CEP85L: variants seen among roughly 807,000 people sequenced by gnomAD.
CEP85L encodes centrosomal protein 85L, also known as centrosomal protein of 85 kDa-like.
A neutral mutation model predicts 100.3 loss-of-function variants in CEP85L; 60 were observed. The observed-to-expected ratio is 0.60, with a 90% CI of 0.49 to 0.74. The LOEUF is 0.74. Among genes scored for constraint, CEP85L ranks in the 30% least tolerant of loss-of-function variants. The pLI, the probability that CEP85L is intolerant of heterozygous loss-of-function variation, is 0.00. For synonymous variants in CEP85L, 319 were observed against 322.7 expected (o/e 0.99, Z 0.12); for missense variants, 973 against 936.2 (o/e 1.04, Z -0.51).
chr6:118,604,052 C>A (rs1295305503), intron 2 of CEP85L, among the ~76,000 whole-genome samples: 1 of 152,158 alleles, frequency 6.6e-6, no homozygotes, highest in Non-Finnish European at 1.5e-5. Flanking sequence ...CACATTTATG[C>A]AAATATAGTA....
At position 118,565,272 on chromosome 6, in the gene CEP85L, T is replaced by C. The variant is rs116690991; in HGVS notation, c.1020+257A>G. 5.1e-3 allele frequency: 2,437 copies of C among 477,204 alleles called. 44 individuals are homozygous for C. Among genetic ancestry groups the C allele is most frequent in the African/African-American group, 0.042 (2,179 of 51,336 alleles). The allele number at this position is 477,204 out of a possible 1,614,324, so 29.6% of individuals were successfully genotyped here. On this transcript the variant is annotated intron_variant, in intron 3 of 12. Transcript: ENST00000368491. ...TTTAGATTGAGTATGTTTTGCTTTA[T>C]TTTTATGCCCATTTAACAAATGAAA...
At chr6:118,691,999 A>G (rs1343226274) in intron 1 of CEP85L, among the ~76,000 whole-genome samples, 1 of 152,030 alleles carries the variant, frequency 6.6e-6, no homozygotes, top group Non-Finnish European at 1.5e-5. Flanking sequence ...TTCTTCCTCC[A>G]TGAAGCTTGT....
chr6:118,528,076 G>C (rs1365949549), intron 3 of CEP85L, among the ~76,000 whole-genome samples: 3 of 152,074 alleles, frequency 2.0e-5, no homozygotes, highest in African/African-American at 7.2e-5. Flanking sequence ...GCCTATTTCA[G>C]TAAGACAAGT....
At chr6:118,496,326 G>C (rs549112007) in intron 5 of CEP85L, among the ~76,000 whole-genome samples, 44 of 126,902 alleles carry the variant, frequency 3.5e-4, no homozygotes, top group Middle Eastern at 4.4e-3. Context: ...ATACACAGAA[G>C]TGATTGCTTT....
chr6:118,622,993 CAT>C (rs1268181138), intron 2 of CEP85L, among the ~76,000 whole-genome samples: 1 of 152,162 alleles, frequency 6.6e-6, no homozygotes, highest in African/African-American at 2.4e-5. Flanking sequence ...CTCATGGGGG[CAT>C]AGTTTTCTCC....
intron 1 of CEP85L, among the ~76,000 whole-genome samples, chr6:118,689,202 C>A (rs1027851334): frequency 6.6e-6 from 1 of 152,100 alleles, no homozygotes; most frequent in Non-Finnish European, 1.5e-5. Context: ...CCAAATTAGG[C>A]CTATGAGTTA....
chr6:118,662,251 C>T (rs1328593742), intron 1 of CEP85L, among the ~76,000 whole-genome samples: 4 of 152,000 alleles, frequency 2.6e-5, no homozygotes, highest in African/African-American at 7.3e-5. Flanking sequence ...ATGAATTGGC[C>T]GGGTGCGGTG....
Position 118,672,814 on chromosome 6 carries a change from A to AAGGAGGAGGAAGAGG in CEP85L, c.-27-20021_-27-20007dup, listed in dbSNP as rs1167202918. Among the ~76,000 whole-genome samples, 11 of 136,548 alleles carry AAGGAGGAGGAAGAGG rather than the reference A, an allele frequency of 8.1e-5. 1 individual carries two copies. Among genetic ancestry groups the AAGGAGGAGGAAGAGG allele is most frequent in the South Asian group, 4.6e-4 (2 of 4,336 alleles). The allele number at this position is 136,548 out of a possible 152,430, so 89.6% of individuals were successfully genotyped here. On this transcript the variant is annotated intron_variant, in intron 1 of 13. Coordinates refer to the CEP85L transcript ENST00000368488. ...AGGAGGAGGAAGGAGGAGGAAGGAG[A>AAGGAGGAGGAAGAGG]AGGAGGAGGAAGAGGAGGAGGAGGA...
At chr6:118,606,905 GTCA>G (rs1772262550) in intron 2 of CEP85L, among the ~76,000 whole-genome samples, 1 of 151,668 alleles carries the variant, frequency 6.6e-6, no homozygotes, top group East Asian at 1.9e-4. Context: ...TAACCATTCA[GTCA>G]ACCGTTTGCA....
At chr6:118,600,209 A>G (rs905183852) in intron 2 of CEP85L, among the ~76,000 whole-genome samples, 1 of 151,460 alleles carries the variant, frequency 6.6e-6, no homozygotes, top group African/African-American at 2.4e-5. Context: ...ACTTGCCTCC[A>G]AAGAACAGAA....
intron 6 of CEP85L, among the ~76,000 whole-genome samples, chr6:118,490,741 A>C (rs1774499587): frequency 6.6e-6 from 1 of 152,234 alleles, no homozygotes; most frequent in Non-Finnish European, 1.5e-5. Context: ...TATCTTTATA[A>C]TGAAAAACAC....
rs368972964 is a variant in CEP85L at position 118,561,888 on chromosome 6, T to C, written c.1020+3641A>G. Among the ~76,000 whole-genome samples, 133 of 152,280 alleles carry C rather than the reference T, an allele frequency of 8.7e-4. 4 individuals carry two copies. The South Asian group carries it at 0.025, about 29-fold the overall frequency. On this transcript the variant is annotated intron_variant, in intron 3 of 12. Coordinates refer to ENST00000368491, the MANE Select transcript of CEP85L (RefSeq NM_001042475.3). ...CGTATATAAGATAACAAATTGCTAC[T>C]ACATAGCGATTATTTATCTTTTGAT...
intron 5 of CEP85L, among the ~76,000 whole-genome samples, chr6:118,493,344 T>C (rs1774699549): frequency 6.6e-6 from 1 of 152,146 alleles, no homozygotes; most frequent in Non-Finnish European, 1.5e-5. Context: ...ATTCCAAGAA[T>C]TGTGAACTTG....
At chr6:118,579,737 T>C (rs1780456441) in intron 2 of CEP85L, among the ~76,000 whole-genome samples, 1 of 152,262 alleles carries the variant, frequency 6.6e-6, no homozygotes, top group Non-Finnish European at 1.5e-5. Flanking sequence ...AAGAAATTAT[T>C]TTAGGCAGAT....
upstream of CEP85L, among the ~76,000 whole-genome samples, chr6:118,656,567 G>C (rs550854814): frequency 4.6e-5 from 7 of 152,316 alleles, no homozygotes; most frequent in African/African-American, 1.2e-4. Flanking sequence ...GAGGAATGTA[G>C]TTGGCTGACA....
chr6:118,564,948 T>C (rs1015704450), intron 3 of CEP85L: 1 of 152,604 alleles, frequency 6.6e-6, no homozygotes, highest in Admixed American at 6.5e-5. Context: ...GATATCATCA[T>C]AAAGCACTTT....
chr6:118,535,887 T>C (rs886178197), intron 3 of CEP85L, among the ~76,000 whole-genome samples: 10 of 152,126 alleles, frequency 6.6e-5, no homozygotes, highest in Non-Finnish European at 1.3e-4. Flanking sequence ...ATTTAATTTA[T>C]TAAAGGACTA....
intron 2 of CEP85L, among the ~76,000 whole-genome samples, chr6:118,621,474 T>C (rs1773440790): frequency 6.6e-6 from 1 of 152,192 alleles, no homozygotes. Context: ...CCCAGGGGTT[T>C]AGGGATAGCC....
chr6:118,506,672 A>G (rs1775678946), intron 5 of CEP85L, among the ~76,000 whole-genome samples: 1 of 152,148 alleles, frequency 6.6e-6, no homozygotes, highest in South Asian at 2.1e-4. Context: ...CTATTTACCA[A>G]TTGTGTATGA....
Sources: allele counts gnomAD v4.1 joint callset (sites outside exome capture counted in the v4.1 genomes callset), GRCh38; gene constraint gnomAD v4.1.1; transcripts MANE v1.5; gene names NCBI Gene and HGNC (gene_info 2026-07-23, HGNC 2026-07-21).